Variants in EYS observed in about 807,000 individuals in gnomAD.
EYS encodes protein eyes shut homolog.
EYS carries 250 observed loss-of-function variants against 282.1 expected under a neutral mutation model. That is an observed-to-expected ratio of 0.89 (90% confidence interval 0.80 to 0.98). The LOEUF (loss-of-function observed/expected upper bound fraction) is 0.98. EYS is among the 50% of genes least tolerant of loss of function. EYS has a pLI of 0.00. For synonymous variants in EYS, 1,355 were observed against 1,282.9 expected, an observed-to-expected ratio of 1.06 and a Z score of -1.20; for missense variants, 4,016 against 3,709.0, an observed-to-expected ratio of 1.08 and a Z score of -2.15.
At chr6:65,619,825 T>A (rs986947058) in intron 2 of EYS, among the ~76,000 whole-genome samples, 10 of 150,720 alleles carry the variant, frequency 6.6e-5, no homozygotes, top group African/African-American at 2.2e-4. Context: ...GCGGTTTTTG[T>A]CTTTGGTTCT....
At chr6:65,442,380 C>T (rs1223750177) in intron 5 of EYS, among the ~76,000 whole-genome samples, 1 of 151,924 alleles carries the variant, frequency 6.6e-6, no homozygotes, top group Non-Finnish European at 1.5e-5. Context: ...AGTTTAAGAA[C>T]TTAGAAATTT....
chr6:65,138,785 G>A (rs1776095132), intron 12 of EYS, among the ~76,000 whole-genome samples: 1 of 151,930 alleles, frequency 6.6e-6, no homozygotes, highest in Non-Finnish European at 1.5e-5. Context: ...ACCTGCTCTA[G>A]CCAAACATCA....
At chr6:64,295,368 A>G (rs77266352) in intron 30 of EYS, among the ~76,000 whole-genome samples, 2 of 13,156 alleles carry the variant, frequency 1.5e-4, no homozygotes, top group Non-Finnish European at 3.2e-4. Flanking sequence ...GAAGAAGAAG[A>G]AGGAAGAAGA....
At chr6:64,607,977 G>A (rs1160297804) in intron 24 of EYS, among the ~76,000 whole-genome samples, 1 of 152,102 alleles carries the variant, frequency 6.6e-6, no homozygotes, top group Non-Finnish European at 1.5e-5. Context: ...AAGACATTTA[G>A]CCTGGCAAAT....
intron 29 of EYS, among the ~76,000 whole-genome samples, chr6:64,336,152 T>A (rs929566151): frequency 6.6e-6 from 1 of 152,122 alleles, no homozygotes; most frequent in Non-Finnish European, 1.5e-5. Flanking sequence ...TAACATTGAA[T>A]GTAAATGGCC....
At chr6:65,179,956 C>T (rs148680717) in intron 12 of EYS, among the ~76,000 whole-genome samples, 149 of 152,082 alleles carry the variant, frequency 9.8e-4, no homozygotes, top group Non-Finnish European at 1.9e-3. Flanking sequence ...AGACAAAAAC[C>T]GTATGATTAT....
intron 12 of EYS, among the ~76,000 whole-genome samples, chr6:65,251,858 C>T (rs924024219): frequency 6.6e-6 from 1 of 151,882 alleles, no homozygotes; most frequent in Non-Finnish European, 1.5e-5. Context: ...CCCATCCCAG[C>T]CTCCCTGTGC....
At chr6:64,457,512 T>C (rs1775593509) in intron 26 of EYS, among the ~76,000 whole-genome samples, 3 of 152,012 alleles carry the variant, frequency 2.0e-5, no homozygotes, top group Non-Finnish European at 4.4e-5. Flanking sequence ...CCTTCGTATC[T>C]ATTGATATTT....
At chr6:65,057,197 A>G (rs531310642) in intron 13 of EYS, among the ~76,000 whole-genome samples, 1 of 152,170 alleles carries the variant, frequency 6.6e-6, no homozygotes, top group South Asian at 2.1e-4. Flanking sequence ...ACTGAAGTTG[A>G]AGAAATACCA....
At chr6:64,998,589 A>C (rs1436320363) in intron 13 of EYS, among the ~76,000 whole-genome samples, 1 of 152,192 alleles carries the variant, frequency 6.6e-6, no homozygotes, top group African/African-American at 2.4e-5. Flanking sequence ...CATCAACAAG[A>C]GACAAGTGAA....
chr6:64,496,190 G>C (rs550169893), intron 26 of EYS, among the ~76,000 whole-genome samples: 1 of 151,876 alleles, frequency 6.6e-6, no homozygotes, highest in Non-Finnish European at 1.5e-5. Context: ...TTCTTAACCT[G>C]ATACCATGGA....
chr6:65,389,135 C>G (rs188656379), intron 7 of EYS, among the ~76,000 whole-genome samples: 4 of 152,230 alleles, frequency 2.6e-5, no homozygotes, highest in Admixed American at 2.0e-4. Context: ...AAACAACAGT[C>G]ACACAACAAT....
intron 12 of EYS, among the ~76,000 whole-genome samples, chr6:65,267,765 TCAAA>T (rs370338988): frequency 3.4e-4 from 51 of 151,932 alleles, no homozygotes; most frequent in East Asian, 7.7e-4. Context: ...ACTTTAAAAT[TCAAA>T]CAAACAAACA....
At chr6:65,267,333 T>A (rs1040455606) in intron 12 of EYS, among the ~76,000 whole-genome samples, 1 of 151,848 alleles carries the variant, frequency 6.6e-6, no homozygotes, top group Non-Finnish European at 1.5e-5. Flanking sequence ...GTTGGGAAAA[T>A]GACTAATCGC....
Position 65,596,163 on chromosome 6 carries a change from A to G in EYS, c.-333+43615T>C, listed in dbSNP as rs75162162. On this transcript the variant is annotated intron_variant, in intron 2 of 42. Transcript: ENST00000503581. The stretch of plus-strand genomic sequence containing the variant: ...AAGTTTTGGGGTGGATTATCTTCCA[A>G]TTCAGCTTTAAGATGACTGTGGCTA... Among the ~76,000 whole-genome samples, 86 of 152,170 alleles carry G rather than the reference A, an allele frequency of 5.7e-4. 1 individual carries two copies. The highest frequency in any genetic ancestry group is 2.0e-3 in the African/African-American group (81 of 41,538).
At chr6:63,940,829 C>G (rs1173465554) in intron 35 of EYS, among the ~76,000 whole-genome samples, 1 of 111,986 alleles carries the variant, frequency 8.9e-6, no homozygotes, top group East Asian at 3.2e-4. Context: ...ACTATCCCTC[C>G]CCCCTCCCCC....
At chr6:64,300,300 G>A (rs1173516859) in intron 30 of EYS, among the ~76,000 whole-genome samples, 2 of 152,154 alleles carry the variant, frequency 1.3e-5, no homozygotes, top group Non-Finnish European at 2.9e-5. Context: ...AAGCAACACA[G>A]ACAAAAAGCA....
At chr6:65,098,049 T>C (rs768157582) in intron 12 of EYS, among the ~76,000 whole-genome samples, 1 of 150,734 alleles carries the variant, frequency 6.6e-6, no homozygotes, top group Non-Finnish European at 1.5e-5. Flanking sequence ...AGGATCGTCA[T>C]ATCTCAAAAT....
intron 12 of EYS, among the ~76,000 whole-genome samples, chr6:65,167,071 C>G (rs1764990589): frequency 6.6e-6 from 1 of 151,116 alleles, no homozygotes; most frequent in Admixed American, 6.6e-5. Context: ...AGAAATGGAA[C>G]CTTGCATATA....
Sources: allele counts gnomAD v4.1 joint callset (sites outside exome capture counted in the v4.1 genomes callset), GRCh38; gene constraint gnomAD v4.1.1; transcripts MANE v1.5; gene names NCBI Gene and HGNC (gene_info 2026-07-23, HGNC 2026-07-21).